The following ERC2 variants were observed in gnomAD, a reference collection of about 807,000 sequenced individuals.
ERC2 encodes the protein ERC protein 2.
A neutral mutation model predicts 114.8 loss-of-function variants in ERC2; 42 were observed. The ratio of observed to expected loss-of-function variants is 0.37; its 90% confidence interval spans 0.29 to 0.47. ERC2 has a LOEUF of 0.47. ERC2 is among the 20% of genes least tolerant of loss of function. The probability of loss-of-function intolerance (pLI) is 0.99; values close to 1 mark genes in which losing one functional copy is unlikely to be tolerated. For missense variants in ERC2, 939 were observed against 1,150.7 expected, an observed-to-expected ratio of 0.82 and a Z score of 2.66; for synonymous variants, 454 against 425.5, an observed-to-expected ratio of 1.07 and a Z score of -0.82.
chr3:55,875,604 G>A (rs2062792319), intron 14 of ERC2, among the ~76,000 whole-genome samples: 2 of 151,892 alleles, frequency 1.3e-5, no homozygotes, highest in Admixed American at 1.3e-4. Context: ...CTTTGCTCCT[G>A]GGAACTGAGT....
At chr3:56,229,994 T>C (rs960194957) in intron 3 of ERC2, among the ~76,000 whole-genome samples, 1 of 151,316 alleles carries the variant, frequency 6.6e-6, no homozygotes, top group Non-Finnish European at 1.5e-5. Context: ...GCCTCCTGAT[T>C]AGCTGGGATT....
intron 2 of ERC2, among the ~76,000 whole-genome samples, chr3:56,344,977 C>A (rs2058249569): frequency 6.6e-6 from 1 of 152,178 alleles, no homozygotes; most frequent in Admixed American, 6.5e-5. Context: ...CCACTTACAG[C>A]ACCAAGCTTG....
intron 1 of ERC2, among the ~76,000 whole-genome samples, chr3:56,465,132 T>G (rs1330102383): frequency 6.6e-6 from 1 of 152,142 alleles, no homozygotes; most frequent in East Asian, 1.9e-4. Context: ...GTCATGGTGG[T>G]TCACACCTGT....
At chr3:56,422,921 C>A (rs989263614) in intron 2 of ERC2, among the ~76,000 whole-genome samples, 8 of 152,148 alleles carry the variant, frequency 5.3e-5, no homozygotes, top group Non-Finnish European at 1.5e-5. Context: ...GCTTACTTCC[C>A]CTCCCCTTTT....
At chr3:55,910,806 G>A (rs758270273) in intron 13 of ERC2, among the ~76,000 whole-genome samples, 34 of 152,294 alleles carry the variant, frequency 2.2e-4, no homozygotes, top group Admixed American at 9.1e-4. Flanking sequence ...GCTGGGATTT[G>A]AACCCAGGCT....
intron 3 of ERC2, among the ~76,000 whole-genome samples, chr3:56,253,902 T>C (rs545344277): frequency 6.6e-6 from 1 of 152,240 alleles, no homozygotes; most frequent in African/African-American, 2.4e-5. Flanking sequence ...AGATCTTGTC[T>C]CAAAAAAATA....
chr3:56,005,695 G>A (rs374877447), intron 10 of ERC2, among the ~76,000 whole-genome samples: 17 of 152,094 alleles, frequency 1.1e-4, no homozygotes, highest in African/African-American at 3.9e-4. Context: ...CTTTCTTCTC[G>A]ACTCAGCACA....
intron 2 of ERC2, among the ~76,000 whole-genome samples, chr3:56,382,551 T>G (rs62255906): frequency 0.34 from 51,453 of 151,900 alleles, 8,898 homozygotes; most frequent in African/African-American, 0.38. Flanking sequence ...TTTTCATATT[T>G]CCTGATCTAT....
chr3:55,988,145 G>A (rs531467963), intron 11 of ERC2, among the ~76,000 whole-genome samples: 14 of 152,264 alleles, frequency 9.2e-5, no homozygotes, highest in African/African-American at 3.4e-4. Context: ...AGACCTTGAT[G>A]GGCACTGACA....
At chr3:56,118,082 C>G (rs1205991581) in intron 6 of ERC2, among the ~76,000 whole-genome samples, 1 of 152,148 alleles carries the variant, frequency 6.6e-6, no homozygotes, top group Admixed American at 6.5e-5. Context: ...ATGTTCAGGG[C>G]TTTGGCATTA....
At chr3:56,293,936 A>G (rs1177932741) in intron 3 of ERC2, among the ~76,000 whole-genome samples, 1 of 152,228 alleles carries the variant, frequency 6.6e-6, no homozygotes, top group Non-Finnish European at 1.5e-5. Flanking sequence ...CTCCACCCTG[A>G]CCACAAGATC....
At chr3:55,734,423 G>T (rs2065494854) in intron 15 of ERC2, among the ~76,000 whole-genome samples, 1 of 152,182 alleles carries the variant, frequency 6.6e-6, no homozygotes, top group African/African-American at 2.4e-5. Flanking sequence ...CAACAGGAAA[G>T]AATTTTGCCC....
intron 17 of ERC2, among the ~76,000 whole-genome samples, chr3:55,675,669 G>T (rs1222019569): frequency 6.6e-6 from 1 of 152,038 alleles, no homozygotes; most frequent in African/African-American, 2.4e-5. Flanking sequence ...CCCCAAAGAG[G>T]CCTCTGAGAA....
Position 55,810,465 on chromosome 3 carries a change from C to G in ERC2, c.2565-75547G>C, listed in dbSNP as rs552457568. Among the ~76,000 whole-genome samples the G allele has an allele frequency of 1.4e-4, 20 of 146,474 alleles. No individual in the cohort carries two copies. In the South Asian group the frequency reaches 3.9e-3, roughly 29 times the overall value. ...ATATGTAGAAGGTCTCTCTCTCCCT[C>G]TTTTTTTTTTTGTTTGAGACGGAGT... On this transcript the variant is annotated intron_variant, in intron 14 of 17. Transcript: ENST00000288221.
intron 2 of ERC2, among the ~76,000 whole-genome samples, chr3:56,375,119 G>A (rs776459777): frequency 2.6e-5 from 4 of 152,220 alleles, no homozygotes; most frequent in Non-Finnish European, 4.4e-5. Flanking sequence ...CCACCACAAG[G>A]GAGAATTTAC....
chr3:56,255,606 C>A (rs1464609857), intron 3 of ERC2, among the ~76,000 whole-genome samples: 1 of 152,168 alleles, frequency 6.6e-6, no homozygotes, highest in African/African-American at 2.4e-5. Flanking sequence ...CGAGAAATTT[C>A]TGGATCTGAG....
intron 3 of ERC2, among the ~76,000 whole-genome samples, chr3:56,277,138 GTGAATGAA>G (rs1339947610): frequency 6.6e-6 from 1 of 152,202 alleles, no homozygotes; most frequent in Non-Finnish European, 1.5e-5. Context: ...GAATGCAAGA[GTGAATGAA>G]TGAATGAATG....
chr3:55,660,489 A>G (rs1174076048), intron 17 of ERC2, among the ~76,000 whole-genome samples: 1 of 146,532 alleles, frequency 6.8e-6, no homozygotes, highest in Non-Finnish European at 1.5e-5. Flanking sequence ...GTGGCGTGGG[A>G]GTCTCCTATT....
At chr3:55,612,668 G>A (rs1000757880) in intron 17 of ERC2, 1 of 152,134 alleles carries the variant, frequency 6.6e-6, no homozygotes, top group South Asian at 2.1e-4. Flanking sequence ...TTGGCATAAA[G>A]CAATCCCTTA....
Sources: gnomAD v4.1 joint callset for allele counts (sites outside exome capture counted in the v4.1 genomes callset) on GRCh38, gnomAD v4.1.1 for gene constraint, MANE v1.5 for transcripts, NCBI Gene and HGNC (gene_info 2026-07-23, HGNC 2026-07-21) for gene names.